The following ESRRG variants were observed in gnomAD, a reference collection of about 807,000 sequenced individuals.
ESRRG encodes estrogen-related receptor gamma.
A neutral mutation model predicts 44.0 loss-of-function variants in ESRRG; 13 were observed. That is an observed-to-expected ratio of 0.30 (90% CI 0.19 to 0.47). The LOEUF is 0.47. Ranked by LOEUF, ESRRG falls within the 20% of genes least tolerant of loss-of-function variation. The pLI is 1.00. For missense variants in ESRRG, 395 were observed against 580.6 expected, an observed-to-expected ratio of 0.68 and a Z score of 3.29; for synonymous variants, 215 against 214.6, an observed-to-expected ratio of 1.00 and a Z score of -0.02.
chr1:216,787,033 T>C (rs1417538990), intron 2 of ESRRG, among the ~76,000 whole-genome samples: 1 of 151,984 alleles, frequency 6.6e-6, no homozygotes, highest in Non-Finnish European at 1.5e-5. Context: ...GTGCCATTTC[T>C]CCAACAGCAT....
At position 216,822,341 on chromosome 1, in the gene ESRRG, GAGGA is replaced by G. The variant is rs1397875740; in HGVS notation, c.-14+117237_-14+117240del. On this transcript the variant is annotated intron_variant, in intron 2 of 7. Transcript: ENST00000359162. The stretch of plus-strand genomic sequence containing the variant: ...ATCTATACAAAATAGCTAACAGTTG[GAGGA>G]AATCAATTACCAAACCCAGCTGAAA... Among the ~76,000 whole-genome samples the G allele has an allele frequency of 2.0e-5, 3 of 152,224 alleles. No individual in the cohort carries two copies. In the East Asian group the frequency reaches 5.8e-4, roughly 29 times the overall value.
intron 1 of ESRRG, among the ~76,000 whole-genome samples, chr1:217,099,377 A>C (rs1036736907): frequency 1.6e-4 from 3 of 18,996 alleles, no homozygotes; most frequent in African/African-American, 2.0e-4. Context: ...TGAGCAGAGC[A>C]AAAAAAAAAA....
intron 2 of ESRRG, among the ~76,000 whole-genome samples, chr1:216,798,910 C>T (rs1396944714): frequency 6.6e-6 from 1 of 151,986 alleles, no homozygotes; most frequent in Admixed American, 6.6e-5. Context: ...ATTAATAATA[C>T]CAGTTAAGTG....
intron 3 of ESRRG, among the ~76,000 whole-genome samples, chr1:216,620,082 C>A (rs570877732): frequency 3.5e-4 from 53 of 152,222 alleles, no homozygotes; most frequent in Admixed American, 9.2e-4. Context: ...TAGGAGCCTT[C>A]CACACTCTAA....
At chr1:217,105,962 A>T (rs1363069288) in intron 1 of ESRRG, among the ~76,000 whole-genome samples, 3 of 152,196 alleles carry the variant, frequency 2.0e-5, no homozygotes, top group African/African-American at 7.2e-5. Flanking sequence ...TGTAATTATC[A>T]CTTTAAAAAC....
At chr1:216,580,492 C>T (rs561378793) in intron 3 of ESRRG, among the ~76,000 whole-genome samples, 7 of 152,000 alleles carry the variant, frequency 4.6e-5, no homozygotes, top group Non-Finnish European at 1.0e-4. Flanking sequence ...CTGTGAAAAC[C>T]TCAGTTAGAT....
At chr1:216,978,739 T>C (rs529013006) in intron 1 of ESRRG, among the ~76,000 whole-genome samples, 4 of 152,228 alleles carry the variant, frequency 2.6e-5, no homozygotes, top group Admixed American at 2.6e-4. Flanking sequence ...TAAGGTATAG[T>C]AATTTTGTGT....
At chr1:216,914,393 C>CT (rs1460549187) in intron 2 of ESRRG, among the ~76,000 whole-genome samples, 2 of 152,118 alleles carry the variant, frequency 1.3e-5, no homozygotes, top group Non-Finnish European at 2.9e-5. Flanking sequence ...TACAATGTTA[C>CT]TTATAAAAAT....
intron 1 of ESRRG, among the ~76,000 whole-genome samples, chr1:217,044,236 AAGTCC>A (rs1368612005): frequency 6.6e-6 from 1 of 152,090 alleles, no homozygotes; most frequent in East Asian, 1.9e-4. Context: ...GGCTACATGG[AAGTCC>A]TTGCCCAGAT....
At chr1:216,866,056 T>C (rs10863276) in intron 2 of ESRRG, among the ~76,000 whole-genome samples, 75,316 of 152,140 alleles carry the variant, frequency 0.5, 21,104 homozygotes, top group African/African-American at 0.77. Flanking sequence ...CAGATATTTG[T>C]GTTAACACAG....
At chr1:216,775,736 G>T (rs1279347926) in intron 2 of ESRRG, among the ~76,000 whole-genome samples, 6 of 151,260 alleles carry the variant, frequency 4.0e-5, no homozygotes, top group African/African-American at 1.5e-4. Flanking sequence ...ATTTATTTTT[G>T]TATTTTTTTG....
chr1:216,920,444 T>A (rs1264687986), intron 2 of ESRRG, among the ~76,000 whole-genome samples: 1 of 150,608 alleles, frequency 6.6e-6, no homozygotes, highest in Non-Finnish European at 1.5e-5. Flanking sequence ...GTAGGGACAA[T>A]TGTGTGCCTG....
intron 2 of ESRRG, among the ~76,000 whole-genome samples, chr1:216,840,362 G>A (rs1213917349): frequency 6.6e-6 from 1 of 152,182 alleles, no homozygotes; most frequent in Non-Finnish European, 1.5e-5. Context: ...GAATTGAAGA[G>A]AGTTAAGACC....
intron 2 of ESRRG, among the ~76,000 whole-genome samples, chr1:216,921,342 G>A (rs931112201): frequency 2.6e-5 from 4 of 152,106 alleles, no homozygotes; most frequent in Non-Finnish European, 5.9e-5. Context: ...TCGGTAAGAC[G>A]AGGATAACAT....
intron 2 of ESRRG, among the ~76,000 whole-genome samples, chr1:216,799,091 A>G (rs1559682813): frequency 6.6e-6 from 1 of 152,096 alleles, no homozygotes; most frequent in African/African-American, 2.4e-5. Context: ...CAAGAAGACT[A>G]TATGCTCTGA....
At chr1:216,833,187 T>A (rs1390671883) in intron 2 of ESRRG, among the ~76,000 whole-genome samples, 1 of 151,558 alleles carries the variant, frequency 6.6e-6, no homozygotes, top group East Asian at 1.9e-4. Flanking sequence ...ACCTATGGAT[T>A]GACCGTTCTG....
intron 1 of ESRRG, among the ~76,000 whole-genome samples, chr1:217,022,006 C>T (rs373268780): frequency 1.8e-4 from 28 of 152,228 alleles, no homozygotes; most frequent in African/African-American, 6.0e-4. Flanking sequence ...GCTTTCCACC[C>T]CACAAGGGTA....
chr1:216,552,310 A>C (rs971603866), intron 5 of ESRRG, among the ~76,000 whole-genome samples: 1 of 152,156 alleles, frequency 6.6e-6, no homozygotes, highest in African/African-American at 2.4e-5. Flanking sequence ...TTTCTGAAAA[A>C]CTGTTAGTGA....
chr1:216,999,194 G>A (rs540097059), intron 1 of ESRRG, among the ~76,000 whole-genome samples: 14 of 152,112 alleles, frequency 9.2e-5, no homozygotes, highest in Admixed American at 2.6e-4. Flanking sequence ...GTTAAAGGAG[G>A]ACTAGGGGAA....
Sources: allele counts gnomAD v4.1 joint callset (sites outside exome capture counted in the v4.1 genomes callset), GRCh38; gene constraint gnomAD v4.1.1; transcripts MANE v1.5; gene names NCBI Gene and HGNC (gene_info 2026-07-23, HGNC 2026-07-21).